Variants in OXSR1 observed in about 807,000 individuals in gnomAD.
The protein encoded by OXSR1 is serine/threonine-protein kinase OSR1.
OXSR1 carries 24 observed loss-of-function variants against 79.8 expected under a neutral mutation model. That is an observed-to-expected ratio of 0.30 (90% CI 0.22 to 0.42). The LOEUF (loss-of-function observed/expected upper bound fraction) is 0.42, where lower values mean the gene tolerates loss of function less well. OXSR1 is among the 10% of genes least tolerant of loss of function. The probability of loss-of-function intolerance (pLI) is 1.00; values close to 1 mark genes in which losing one functional copy is unlikely to be tolerated. For missense variants in OXSR1, 430 were observed against 618.4 expected, an observed-to-expected ratio of 0.70 and a Z score of 3.23; for synonymous variants, 226 against 209.2, an observed-to-expected ratio of 1.08 and a Z score of -0.69.
chr3:38,169,676 C>T lies in OXSR1; in HGVS notation c.70+3730C>T, dbSNP rs1338537213. ...ATGTGTATTCATTCTGGGTATGCGTCGTTCATCTGATATATGATTTAATTT... is the reference window on the plus strand; with the variant it reads ...ATGTGTATTCATTCTGGGTATGCGTTGTTCATCTGATATATGATTTAATTT... On this transcript the variant is annotated intron_variant, in intron 1 of 17. Coordinates refer to ENST00000311806, the MANE Select transcript of OXSR1 (RefSeq NM_005109.3). Among the ~76,000 whole-genome samples the T allele has an allele frequency of 3.3e-5, 5 of 150,612 alleles. No homozygotes were observed. The South Asian group carries it at 6.3e-4, about 19-fold the overall frequency.
At chr3:38,242,174 A>G (rs1437300936) in intron 11 of OXSR1, among the ~76,000 whole-genome samples, 1 of 152,110 alleles carries the variant, frequency 6.6e-6, no homozygotes, top group African/African-American at 2.4e-5. Flanking sequence ...TATTTCCACT[A>G]CCTTTATTTT....
At chr3:38,190,363 C>A (rs1030987767) in intron 2 of OXSR1, among the ~76,000 whole-genome samples, 1 of 151,984 alleles carries the variant, frequency 6.6e-6, no homozygotes, top group South Asian at 2.1e-4. Context: ...TATAAAAAAA[C>A]CCTGTTTATT....
At chr3:38,241,406 C>T (rs948683204) in intron 11 of OXSR1, among the ~76,000 whole-genome samples, 1 of 152,014 alleles carries the variant, frequency 6.6e-6, no homozygotes, top group Admixed American at 6.6e-5. Flanking sequence ...GGAGGAAAAA[C>T]AAAAGGCTAC....
intron 4 of OXSR1, among the ~76,000 whole-genome samples, chr3:38,215,863 G>T (rs956293709): frequency 7.2e-5 from 11 of 152,090 alleles, no homozygotes; most frequent in Non-Finnish European, 1.5e-4. Context: ...AAGAATATTT[G>T]ATCACTTGTG....
chr3:38,228,174 T>G (rs907489185), intron 8 of OXSR1, among the ~76,000 whole-genome samples: 2 of 152,158 alleles, frequency 1.3e-5, no homozygotes, highest in Non-Finnish European at 2.9e-5. Flanking sequence ...CAGACTATCA[T>G]TCAAGAATGA....
intron 4 of OXSR1, among the ~76,000 whole-genome samples, chr3:38,210,573 G>T (rs929032018): frequency 6.6e-6 from 1 of 151,986 alleles, no homozygotes; most frequent in Non-Finnish European, 1.5e-5. Context: ...CTTAGACTGG[G>T]TCTGCTTGGG....
Position 38,253,116 on chromosome 3 carries a change from A to G in OXSR1, c.*225A>G, listed in dbSNP as rs1703293973. 3 of 552,976 alleles carry G rather than the reference A, an allele frequency of 5.4e-6. No individual in the cohort carries two copies. The highest frequency in any genetic ancestry group is 9.7e-6 in the Non-Finnish European group (3 of 310,390). 34.3% of individuals were successfully genotyped at this position (552,976 alleles called of 1,614,324 possible). ...TCCCCAGAGTTCCGTTAGTAAACTTACTTCATATGTCCCCTGTCTTCCTCC... is the reference window on the plus strand; with the variant it reads ...TCCCCAGAGTTCCGTTAGTAAACTTGCTTCATATGTCCCCTGTCTTCCTCC... On this transcript the variant is annotated 3_prime_UTR_variant, in exon 18 of 18. Transcript: ENST00000311806.
intron 1 of OXSR1, among the ~76,000 whole-genome samples, chr3:38,170,527 A>C (rs1448238897): frequency 1.3e-5 from 2 of 151,854 alleles, no homozygotes; most frequent in African/African-American, 4.8e-5. Flanking sequence ...CTTGCATTTA[A>C]GCCTCTGATA....
chr3:38,178,626 T>A (rs1473086350), intron 1 of OXSR1, among the ~76,000 whole-genome samples: 3,828 of 121,276 alleles, frequency 0.032, 41 homozygotes, highest in African/African-American at 0.056. Flanking sequence ...ATATATTTTT[T>A]TTTTTTTTTT....
intron 5 of OXSR1, among the ~76,000 whole-genome samples, chr3:38,219,736 A>G (rs1216329633): frequency 1.3e-5 from 2 of 152,202 alleles, no homozygotes; most frequent in South Asian, 2.1e-4. Context: ...AACATTTTAA[A>G]GTTTTTAGAT....
At chr3:38,189,163 T>C (rs1701939016) in intron 2 of OXSR1, among the ~76,000 whole-genome samples, 1 of 152,208 alleles carries the variant, frequency 6.6e-6, no homozygotes, top group Admixed American at 6.5e-5. Context: ...CCACCTATTC[T>C]GTAAAGGCTT....
At chr3:38,179,430 G>C (rs1235499386) in intron 1 of OXSR1, among the ~76,000 whole-genome samples, 1 of 151,696 alleles carries the variant, frequency 6.6e-6, no homozygotes. Context: ...GCCTCCCAAA[G>C]TGTTAGGACT....
In OXSR1 at chr3:38,253,501, C is replaced by T. The variant is rs1358969610; in HGVS notation, c.*610C>T. The T allele has an allele frequency of 6.5e-6, 1 of 152,804 alleles. No homozygotes were observed. Among genetic ancestry groups the T allele is most frequent in the Non-Finnish European group, 1.5e-5 (1 of 68,216 alleles). The allele number at this position is 152,804 out of a possible 1,614,324, so 9.5% of individuals were successfully genotyped here. A position where few individuals can be genotyped will look rare whatever the true frequency, so the allele number is the denominator to read the frequency against. On this transcript the variant is annotated 3_prime_UTR_variant, in exon 18 of 18. Coordinates refer to ENST00000311806, the MANE Select transcript of OXSR1 (RefSeq NM_005109.3). ...GTTTTGCTGAAGCTGCTCTCAGGCA[C>T]CCCCTTCTTCATTGCTCTCTCCAGA...
intron 2 of OXSR1, among the ~76,000 whole-genome samples, chr3:38,185,946 C>CTGG (rs1701876933): frequency 3.1e-5 from 1 of 32,094 alleles, no homozygotes; most frequent in African/African-American, 1.4e-4. Context: ...GGCCCTGTCT[C>CTGG]AAAAAAAAAA....
intron 11 of OXSR1, among the ~76,000 whole-genome samples, chr3:38,241,525 T>C (rs1022506065): frequency 6.6e-6 from 1 of 152,022 alleles, no homozygotes; most frequent in South Asian, 2.1e-4. Context: ...TATCTCATTC[T>C]TAGGAAATGT....
intron 1 of OXSR1, among the ~76,000 whole-genome samples, chr3:38,174,841 A>T (rs925457164): frequency 6.6e-6 from 1 of 152,198 alleles, no homozygotes; most frequent in Non-Finnish European, 1.5e-5. Context: ...CAGATGGGAG[A>T]TCACCAGAGT....
In OXSR1 at chr3:38,252,914, C is replaced by T. The variant is rs926488539; in HGVS notation, c.*23C>T. 3 of 1,598,914 alleles carry T rather than the reference C, an allele frequency of 1.9e-6. No individual in the cohort carries two copies. The highest frequency in any genetic ancestry group is 2.7e-5 in the African/African-American group (2 of 74,602). On this transcript the variant is annotated 3_prime_UTR_variant, in exon 18 of 18. Coordinates refer to ENST00000311806, the MANE Select transcript of OXSR1 (RefSeq NM_005109.3). ...TAAACCACAACCCTGGAAGAGGCGG[C>T]CTAAGGAGATTCCACACATGCGTAT...
At chr3:38,177,538 A>G (rs576238521) in intron 1 of OXSR1, among the ~76,000 whole-genome samples, 10 of 152,260 alleles carry the variant, frequency 6.6e-5, no homozygotes, top group African/African-American at 2.4e-4. Context: ...TGAATGCTAA[A>G]TATGTTCTTT....
intron 4 of OXSR1, among the ~76,000 whole-genome samples, chr3:38,209,735 T>G (rs1159077171): frequency 6.6e-6 from 1 of 151,764 alleles, no homozygotes; most frequent in Non-Finnish European, 1.5e-5. Flanking sequence ...CCTGGGTTCA[T>G]GCGTCAGCCT....
Sources: gnomAD v4.1 joint callset for allele counts (sites outside exome capture counted in the v4.1 genomes callset) on GRCh38, gnomAD v4.1.1 for gene constraint, MANE v1.5 for transcripts, NCBI Gene and HGNC (gene_info 2026-07-23, HGNC 2026-07-21) for gene names.